SLC39A11: variants seen among roughly 807,000 people sequenced by gnomAD.
The protein encoded by SLC39A11 is solute carrier family 39 member 11, also known as zinc transporter ZIP11.
Under a neutral mutation model 36.1 loss-of-function variants are expected in SLC39A11, and 33 were observed. That is an observed-to-expected ratio of 0.91 (90% CI 0.69 to 1.22). SLC39A11 has a LOEUF of 1.22. SLC39A11 is among the 50% of genes most tolerant of loss of function. The pLI is 0.00. For missense variants in SLC39A11, 432 were observed against 430.3 expected, an observed-to-expected ratio of 1.00 and a Z score of -0.03; for synonymous variants, 166 against 170.3, an observed-to-expected ratio of 0.97 and a Z score of 0.20.
chr17:72,761,792 C>T (rs2075587348), intron 6 of SLC39A11, among the ~76,000 whole-genome samples: 1 of 152,132 alleles, frequency 6.6e-6, no homozygotes, highest in Non-Finnish European at 1.5e-5. Context: ...GGGCCAATTG[C>T]AATGTCCTAA....
intron 5 of SLC39A11, among the ~76,000 whole-genome samples, chr17:72,900,006 GAGAGAGAGAGAGAA>G (rs1449262981): frequency 3.1e-5 from 4 of 127,802 alleles, no homozygotes; most frequent in Admixed American, 1.5e-4. Context: ...GAGAGAGAAA[GAGAGAGAGAGAGAA>G]AGAGAGAGAG....
chr17:72,652,832 T>C (rs2069913407), intron 7 of SLC39A11, among the ~76,000 whole-genome samples: 1 of 152,242 alleles, frequency 6.6e-6, no homozygotes, highest in Non-Finnish European at 1.5e-5. Flanking sequence ...TGAGAACCAC[T>C]GTGCAACCTG....
At chr17:72,867,905 CA>C (rs984594279) in intron 5 of SLC39A11, among the ~76,000 whole-genome samples, 3 of 152,148 alleles carry the variant, frequency 2.0e-5, no homozygotes, top group African/African-American at 7.2e-5. Flanking sequence ...CCTACATAAG[CA>C]AACCAAAACC....
chr17:72,788,918 G>T (rs1011691463), intron 6 of SLC39A11, among the ~76,000 whole-genome samples: 1 of 152,204 alleles, frequency 6.6e-6, no homozygotes, highest in Admixed American at 6.5e-5. Flanking sequence ...CTGTGGCAAG[G>T]CCAGTGATTT....
chr17:73,047,966 CAAA>C (rs1165334910), intron 3 of SLC39A11, among the ~76,000 whole-genome samples: 47 of 20,470 alleles, frequency 2.3e-3, no homozygotes, highest in Admixed American at 3.6e-3. Flanking sequence ...GACTCCATCT[CAAA>C]AAAAAAAAAA....
chr17:72,874,838 C>A (rs1162202579), intron 5 of SLC39A11, among the ~76,000 whole-genome samples: 1 of 152,228 alleles, frequency 6.6e-6, no homozygotes, highest in Non-Finnish European at 1.5e-5. Flanking sequence ...TCCAACCCAA[C>A]TGTGGACAAA....
chr17:72,987,636 T>C (rs1283094501), intron 4 of SLC39A11, among the ~76,000 whole-genome samples: 1 of 152,262 alleles, frequency 6.6e-6, no homozygotes, highest in Non-Finnish European at 1.5e-5. Context: ...TAGAATTCTT[T>C]AGCAATCTCT....
chr17:72,900,171 A>T (rs1280419131), intron 5 of SLC39A11, among the ~76,000 whole-genome samples: 2 of 136,238 alleles, frequency 1.5e-5, no homozygotes, highest in East Asian at 4.3e-4. Context: ...GAAAGAAAGA[A>T]AGAAAGAAAG....
At chr17:72,825,668 C>T (rs1052412783) in intron 6 of SLC39A11, among the ~76,000 whole-genome samples, 9 of 152,212 alleles carry the variant, frequency 5.9e-5, no homozygotes, top group African/African-American at 1.2e-4. Context: ...GCCAAAGGGG[C>T]GGAGATGTCC....
In SLC39A11 at chr17:72,848,905, G is replaced by A. The variant is rs556978721; in HGVS notation, c.601+729C>T. On this transcript the variant is annotated intron_variant, in intron 6 of 9. Coordinates refer to ENST00000255559, the MANE Select transcript of SLC39A11 (RefSeq NM_139177.4). ...GACGTTAGGAATGCTGGTTCCCTGC[G>A]CAGTAGAAAATCTGCAGAGAGTTTT... 9.2e-5 allele frequency among the ~76,000 whole-genome samples: 14 copies of A among 152,188 alleles called. No individual in the cohort carries two copies. The South Asian group carries it at 1.7e-3, about 18-fold the overall frequency.
chr17:72,932,844 C>A (rs946201213), intron 5 of SLC39A11, among the ~76,000 whole-genome samples: 13 of 152,206 alleles, frequency 8.5e-5, no homozygotes, highest in Admixed American at 4.6e-4. Flanking sequence ...AGTCAGAATT[C>A]AAACCCAGTA....
intron 4 of SLC39A11, among the ~76,000 whole-genome samples, chr17:72,971,127 G>A (rs1414973239): frequency 6.6e-6 from 1 of 152,154 alleles, no homozygotes; most frequent in African/African-American, 2.4e-5. Flanking sequence ...CTGACCATAC[G>A]AGTGACCCAG....
intron 5 of SLC39A11, among the ~76,000 whole-genome samples, chr17:72,892,424 A>C (rs1046399452): frequency 6.6e-6 from 1 of 151,848 alleles, no homozygotes; most frequent in African/African-American, 2.4e-5. Flanking sequence ...AAAAAAAAAA[A>C]AAATCTTATT....
intron 3 of SLC39A11, among the ~76,000 whole-genome samples, chr17:73,039,881 A>C (rs1426438611): frequency 6.6e-6 from 1 of 152,202 alleles, no homozygotes; most frequent in African/African-American, 2.4e-5. Context: ...CCAAAGCCCC[A>C]GAGCAAGCTG....
intron 6 of SLC39A11, among the ~76,000 whole-genome samples, chr17:72,848,953 T>C (rs1032235507): frequency 5.9e-5 from 9 of 152,202 alleles, no homozygotes; most frequent in East Asian, 3.8e-4. Flanking sequence ...AACTTAACTA[T>C]GAATAACCTG....
intron 4 of SLC39A11, among the ~76,000 whole-genome samples, chr17:73,024,147 G>A (rs1188655754): frequency 6.6e-6 from 1 of 152,234 alleles, no homozygotes; most frequent in Non-Finnish European, 1.5e-5. Flanking sequence ...TTGGCCTGGG[G>A]CTGCCCAATC....
At chr17:72,757,376 T>C (rs961463385) in intron 6 of SLC39A11, among the ~76,000 whole-genome samples, 1 of 152,060 alleles carries the variant, frequency 6.6e-6, no homozygotes, top group African/African-American at 2.4e-5. Flanking sequence ...GATGACTCAA[T>C]TGAGTTTCTC....
At chr17:72,955,274 A>C (rs1183318393) in intron 4 of SLC39A11, among the ~76,000 whole-genome samples, 3 of 135,740 alleles carry the variant, frequency 2.2e-5, no homozygotes, top group Non-Finnish European at 3.1e-5. Context: ...TGGTATCCTG[A>C]ATAGGCTTTA....
At chr17:72,936,931 A>T (rs2084809500) in intron 5 of SLC39A11, among the ~76,000 whole-genome samples, 1 of 152,116 alleles carries the variant, frequency 6.6e-6, no homozygotes, top group African/African-American at 2.4e-5. Flanking sequence ...AGTAATGCTC[A>T]CTTGCTCACC....
Sources: gnomAD v4.1 joint callset for allele counts (sites outside exome capture counted in the v4.1 genomes callset) on GRCh38, gnomAD v4.1.1 for gene constraint, MANE v1.5 for transcripts, NCBI Gene and HGNC (gene_info 2026-07-23, HGNC 2026-07-21) for gene names.